PFKFB3: variants seen among roughly 807,000 people sequenced by gnomAD.
PFKFB3 encodes the protein 6-phosphofructo-2-kinase/fructose-2,6-biphosphatase 3, also known as 6-phosphofructo-2-kinase/fructose-2,6-bisphosphatase 3.
Under a neutral mutation model 68.0 loss-of-function variants are expected in PFKFB3, and 33 were observed. The ratio of observed to expected loss-of-function variants is 0.49; its 90% CI spans 0.37 to 0.65. The LOEUF (loss-of-function observed/expected upper bound fraction) is 0.65. PFKFB3 is among the 30% of genes least tolerant of loss of function. The probability of loss-of-function intolerance (pLI) is 0.00; values close to 1 mark genes in which losing one functional copy is unlikely to be tolerated. For synonymous variants in PFKFB3, 315 were observed against 288.2 expected, an observed-to-expected ratio of 1.09 and a Z score of -0.94; for missense variants, 586 against 712.2, an observed-to-expected ratio of 0.82 and a Z score of 2.02.
chr10:6,198,276 A>G (rs1238784905), upstream of PFKFB3, among the ~76,000 whole-genome samples: 1 of 152,004 alleles, frequency 6.6e-6, no homozygotes, highest in Non-Finnish European at 1.5e-5. Context: ...AAGAAAAGAA[A>G]AGAAAAGGAA....
At chr10:6,232,252 G>C (rs1057453036) in intron 14 of PFKFB3, among the ~76,000 whole-genome samples, 1 of 151,460 alleles carries the variant, frequency 6.6e-6, no homozygotes, top group Non-Finnish European at 1.5e-5. Flanking sequence ...TTTTGCGGGG[G>C]GTGGGTGGCG....
intron 1 of PFKFB3, among the ~76,000 whole-genome samples, chr10:6,157,082 A>G (rs554198475): frequency 2.6e-5 from 4 of 151,420 alleles, no homozygotes; most frequent in African/African-American, 7.3e-5. Flanking sequence ...ACAGAGCGAG[A>G]CTCCATCTGA....
At position 6,215,187 on chromosome 10, in the gene PFKFB3, C is replaced by G. The variant is rs200673005; in HGVS notation, c.203-34C>G. ...TGTGAGCTGGCCCCTTCCTCCTGCT[C>G]GATCATCCAGACTGTTCTCTTTCCC... On this transcript the variant is annotated intron_variant, in intron 2 of 14. Coordinates refer to ENST00000379775, the MANE Select transcript of PFKFB3 (RefSeq NM_004566.4). The surrounding 1 kb of genome is among the most constrained non-coding windows in gnomAD (Gnocchi z 4.3). 1 of 1,588,144 alleles carries G rather than the reference C, an allele frequency of 6.3e-7. No homozygotes were observed. The highest frequency in any genetic ancestry group is 8.6e-7 in the Non-Finnish European group (1 of 1,156,872).
rs940371666 is a variant in PFKFB3 at position 6,215,855 on chromosome 10, T to C, written c.300-270T>C. Among the ~76,000 whole-genome samples, 44 of 152,302 alleles carry C rather than the reference T, an allele frequency of 2.9e-4. No homozygotes were observed. Among genetic ancestry groups the C allele is most frequent in the African/African-American group, 1.0e-3 (42 of 41,572 alleles). On this transcript the variant is annotated intron_variant, in intron 3 of 14. Coordinates refer to ENST00000379775, the MANE Select transcript of PFKFB3 (RefSeq NM_004566.4). The surrounding 1 kb of genome is among the most constrained non-coding windows in gnomAD (Gnocchi z 4.3). ...GTTAGTGCAACTCTGTGGGTGGCTC[T>C]GGGCAGCCATTTCTTAGCAGCTCCC...
upstream of PFKFB3, among the ~76,000 whole-genome samples, chr10:6,202,054 G>C (rs35413444): frequency 6.6e-6 from 1 of 152,238 alleles, no homozygotes; most frequent in Admixed American, 6.5e-5. Flanking sequence ...CCTCGACTTA[G>C]GTAATGAATT....
the PFKFB3 span, among the ~76,000 whole-genome samples, chr10:6,290,218 C>T: frequency 6.6e-6 from 1 of 151,822 alleles, no homozygotes; most frequent in South Asian, 2.1e-4. Context: ...CCTGATTGCC[C>T]TGGCCAGAAC....
chr10:6,206,846 C>T (rs1231445808), intron 1 of PFKFB3, among the ~76,000 whole-genome samples: 7 of 70,560 alleles, frequency 9.9e-5, no homozygotes, highest in East Asian at 8.9e-4. Context: ...GACGGGGTGG[C>T]GGCCGGGCAG....
intron 1 of PFKFB3, among the ~76,000 whole-genome samples, chr10:6,166,653 C>G (rs372941832): frequency 6.6e-6 from 1 of 152,082 alleles, no homozygotes; most frequent in Non-Finnish European, 1.5e-5. Context: ...CCCATCTCAC[C>G]GCAAGTCGGA....
the PFKFB3 span, among the ~76,000 whole-genome samples, chr10:6,278,881 G>C: frequency 1.2e-4 from 18 of 152,192 alleles, no homozygotes; most frequent in African/African-American, 3.9e-4. Flanking sequence ...AGACAGACTC[G>C]AATGCTAGGC....
At chr10:6,185,309 G>T (rs1007317411) in intron 1 of PFKFB3, among the ~76,000 whole-genome samples, 1 of 152,178 alleles carries the variant, frequency 6.6e-6, no homozygotes, top group Admixed American at 6.5e-5. Context: ...GGGCCGTTCC[G>T]AGCTGGTTCC....
At chr10:6,280,165 C>A in the PFKFB3 span, among the ~76,000 whole-genome samples, 6 of 152,258 alleles carry the variant, frequency 3.9e-5, no homozygotes, top group Non-Finnish European at 7.3e-5. Context: ...GCTGGCGTCT[C>A]TTCCTCCAGG....
intron 1 of PFKFB3, among the ~76,000 whole-genome samples, chr10:6,176,470 C>G (rs1842476341): frequency 6.6e-6 from 1 of 152,098 alleles, no homozygotes; most frequent in Admixed American, 6.6e-5. Context: ...TACAGTGGGC[C>G]CATCATCGCT....
chr10:6,272,001 T>C, the PFKFB3 span, among the ~76,000 whole-genome samples: 16 of 152,178 alleles, frequency 1.1e-4, no homozygotes, highest in Non-Finnish European at 4.4e-5. Context: ...AATCTGTGCT[T>C]AGCACTGAGG....
intron 11 of PFKFB3, 125 bp downstream of exon 11, chr10:6,223,109 A>G: frequency 1.0e-6 from 1 of 964,390 alleles, no homozygotes; most frequent in Non-Finnish European, 1.5e-6. Context: ...TGTTAGGAGA[A>G]GGGCACAGGT....
chr10:6,187,198 T>A (rs1230541279), intron 1 of PFKFB3, among the ~76,000 whole-genome samples: 6 of 142,066 alleles, frequency 4.2e-5, no homozygotes, highest in African/African-American at 2.6e-5. Context: ...CTGTTTCTAC[T>A]AAAAAAAAAA....
intron 4 of PFKFB3, 125 bp downstream of exon 4, chr10:6,216,316 C>T (rs978878730): frequency 2.0e-5 from 19 of 929,572 alleles, no homozygotes; most frequent in Non-Finnish European, 3.3e-5. Flanking sequence ...GTGGCCAGGG[C>T]AGCCCAATGG....
chr10:6,221,686 C>T lies in PFKFB3; in HGVS notation c.1024C>T (p.Pro342Ser), dbSNP rs1480156144. 4 of 1,610,928 alleles carry T rather than the reference C, an allele frequency of 2.5e-6. No individual in the cohort carries two copies. Among genetic ancestry groups the T allele is most frequent in the Non-Finnish European group, 3.4e-6 (4 of 1,179,012 alleles). ...CTACGAGGAGATCAGGGACACCTAC[C>T]CTGAGGAGTATGCGCTGCGGGAGCA... ...LTYEEIRDTY[P>S]EEYALREQDK... The change falls in exon 10 of 15, where the codon CCT becomes TCT. Residue 342 changes from proline to serine, a missense_variant. Pro to Ser is a moderately conservative substitution (Grantham distance 74). Transcript: ENST00000379775.
chr10:6,267,976 A>AAAAAAAAAAG, the PFKFB3 span, among the ~76,000 whole-genome samples: 1 of 150,828 alleles, frequency 6.6e-6, no homozygotes, highest in African/African-American at 2.4e-5. Flanking sequence ...AAAAAAAAAA[A>AAAAAAAAAAG]ATCAAATTAC....
At chr10:6,217,106 T>C (rs1222064240) in intron 5 of PFKFB3, 29 bp from the exon 6 acceptor site, 11 of 1,611,962 alleles carry the variant, frequency 6.8e-6, no homozygotes, top group Non-Finnish European at 9.3e-6. Flanking sequence ...GGTGTTTGTT[T>C]TCTAACATCC....
Sources: allele counts gnomAD v4.1 joint callset (sites outside exome capture counted in the v4.1 genomes callset), GRCh38; gene constraint gnomAD v4.1.1; non-coding constraint Gnocchi (gnomAD v3.1); transcripts MANE v1.5; gene names NCBI Gene and HGNC (gene_info 2026-07-23, HGNC 2026-07-21).